The following CNTN5 variants were observed in gnomAD, a reference collection of about 807,000 sequenced individuals.
CNTN5 encodes contactin 5, also known as contactin-5.
In CNTN5, 77 loss-of-function variants were observed where a neutral mutation model predicts 129.1. The observed-to-expected ratio is 0.60, with a 90% confidence interval of 0.50 to 0.72. The LOEUF (loss-of-function observed/expected upper bound fraction) is 0.72. Among genes scored for constraint, CNTN5 ranks in the 30% least tolerant of loss-of-function variants. The probability of loss-of-function intolerance (pLI) is 0.00; values close to 1 mark genes in which losing one functional copy is unlikely to be tolerated. For synonymous variants in CNTN5, 509 were observed against 465.6 expected (o/e 1.09, Z -1.20); for missense variants, 1,478 against 1,328.8 (o/e 1.11, Z -1.75).
chr11:100,212,923 G>A (rs1161811777), intron 15 of CNTN5, among the ~76,000 whole-genome samples: 1 of 151,996 alleles, frequency 6.6e-6, no homozygotes, highest in Admixed American at 6.6e-5. Context: ...AGATGTTTCA[G>A]TCTCATGGCA....
At chr11:99,704,924 G>T (rs1316103200) in intron 3 of CNTN5, among the ~76,000 whole-genome samples, 1 of 151,152 alleles carries the variant, frequency 6.6e-6, no homozygotes, top group African/African-American at 2.4e-5. Flanking sequence ...GGAATTCTTC[G>T]TTATAGAGCA....
At chr11:99,231,706 GT>G (rs1861008792) in intron 1 of CNTN5, among the ~76,000 whole-genome samples, 1 of 152,022 alleles carries the variant, frequency 6.6e-6, no homozygotes, top group Admixed American at 6.6e-5. Flanking sequence ...TAACATTTTT[GT>G]CATGAAATCT....
intron 1 of CNTN5, among the ~76,000 whole-genome samples, chr11:99,253,561 A>AT (rs913478048): frequency 1.3e-5 from 2 of 151,742 alleles, no homozygotes; most frequent in Admixed American, 6.6e-5. Context: ...TTCACCTAAG[A>AT]TTTTTTTATT....
chr11:99,879,199 A>C (rs1948710379), intron 6 of CNTN5, among the ~76,000 whole-genome samples: 1 of 151,994 alleles, frequency 6.6e-6, no homozygotes. Context: ...CGGCCTCCCA[A>C]AGTGCTGGGA....
At chr11:99,256,168 A>G (rs948050273) in intron 1 of CNTN5, among the ~76,000 whole-genome samples, 1 of 152,140 alleles carries the variant, frequency 6.6e-6, no homozygotes, top group African/African-American at 2.4e-5. Flanking sequence ...AAACTATTTT[A>G]TCTGGTGTTT....
At chr11:100,309,844 C>G (rs1951435703) in intron 21 of CNTN5, 1 of 262,472 alleles carries the variant, frequency 3.8e-6, no homozygotes, top group Non-Finnish European at 5.9e-6. Flanking sequence ...TTCTCAGCTC[C>G]CACTATAGAT....
chr11:99,075,897 T>A (rs1276155411), intron 1 of CNTN5, among the ~76,000 whole-genome samples: 1 of 152,174 alleles, frequency 6.6e-6, no homozygotes, highest in Non-Finnish European at 1.5e-5. Flanking sequence ...ATGACAGACG[T>A]TTGAACTAAA....
intron 2 of CNTN5, among the ~76,000 whole-genome samples, chr11:99,546,391 C>A (rs1427762119): frequency 6.6e-6 from 1 of 152,086 alleles, no homozygotes. Context: ...ACAGGAGGAA[C>A]TATGAATCCC....
At position 99,196,432 on chromosome 11, in the gene CNTN5, T is replaced by A. The variant is rs1041502193; in HGVS notation, c.-209-128914T>A. On this transcript the variant is annotated intron_variant, in intron 1 of 24. Coordinates refer to ENST00000524871, the MANE Select transcript of CNTN5 (RefSeq NM_014361.4). ...TACATGTGTCTGTGCATGTATGCAT[T>A]TTTCTCCTCACATTTTTGTTTTATG... 1.3e-5 allele frequency among the ~76,000 whole-genome samples: 2 copies of A among 152,068 alleles called. 1 individual carries two copies. The highest frequency in any genetic ancestry group is 4.1e-4 in the South Asian group (2 of 4,822).
chr11:100,324,627 A>G (rs2138970046), intron 21 of CNTN5, among the ~76,000 whole-genome samples: 1 of 152,320 alleles, frequency 6.6e-6, no homozygotes, highest in Admixed American at 6.5e-5. Flanking sequence ...GAAGAAGGCA[A>G]CTAATATTTG....
At chr11:100,140,409 T>C (rs1591305809) in intron 13 of CNTN5, among the ~76,000 whole-genome samples, 1 of 152,294 alleles carries the variant, frequency 6.6e-6, no homozygotes, top group African/African-American at 2.4e-5. Flanking sequence ...GTGGTTATGA[T>C]AACTCATCAT....
chr11:99,253,087 CG>C (rs1451609663), intron 1 of CNTN5, among the ~76,000 whole-genome samples: 1 of 151,926 alleles, frequency 6.6e-6, no homozygotes, highest in African/African-American at 2.4e-5. Flanking sequence ...ATAATCCCCA[CG>C]ATTCAAGGGC....
At chr11:100,063,835 C>G (rs1466518734) in intron 10 of CNTN5, among the ~76,000 whole-genome samples, 1 of 151,994 alleles carries the variant, frequency 6.6e-6, no homozygotes, top group Non-Finnish European at 1.5e-5. Context: ...TGCGGTGAAC[C>G]ATTATAGTGC....
At chr11:99,626,415 A>AT (rs898671942) in intron 3 of CNTN5, among the ~76,000 whole-genome samples, 3 of 151,952 alleles carry the variant, frequency 2.0e-5, no homozygotes, top group Admixed American at 6.6e-5. Flanking sequence ...GTATTTATAG[A>AT]TTTTTTTTGC....
intron 2 of CNTN5, among the ~76,000 whole-genome samples, chr11:99,349,977 A>C (rs1169911172): frequency 1.3e-5 from 2 of 152,148 alleles, no homozygotes; most frequent in Non-Finnish European, 2.9e-5. Context: ...CTATATACAT[A>C]ATTAGAATGA....
At chr11:99,214,013 C>T (rs1156666575) in intron 1 of CNTN5, among the ~76,000 whole-genome samples, 1 of 151,836 alleles carries the variant, frequency 6.6e-6, no homozygotes, top group East Asian at 1.9e-4. Context: ...TTAGCAATTG[C>T]GAGAATAAAA....
rs1859476136 is a variant in CNTN5 at position 99,206,277 on chromosome 11, T to C, written c.-209-119069T>C. On this transcript the variant is annotated intron_variant, in intron 1 of 24. Coordinates refer to ENST00000524871, the MANE Select transcript of CNTN5 (RefSeq NM_014361.4). ...GTACAAGTGGGTGGAATATGTACTG[T>C]CAGGCTTTGCTTTAGGAGGTATAAG... 1.3e-5 allele frequency among the ~76,000 whole-genome samples: 2 copies of C among 152,120 alleles called. 1 individual carries two copies. Among genetic ancestry groups the C allele is most frequent in the South Asian group, 4.1e-4 (2 of 4,836 alleles).
At chr11:99,732,463 T>G (rs1313346494) in intron 3 of CNTN5, among the ~76,000 whole-genome samples, 1 of 134,876 alleles carries the variant, frequency 7.4e-6, no homozygotes, top group East Asian at 1.9e-4. Flanking sequence ...CTGAGTACAT[T>G]GTACAGTTCT....
chr11:99,151,288 G>C (rs545901203), intron 1 of CNTN5, among the ~76,000 whole-genome samples: 1 of 152,160 alleles, frequency 6.6e-6, no homozygotes, highest in Non-Finnish European at 1.5e-5. Flanking sequence ...ATTTGTGTGT[G>C]CATGCACTCT....
Sources: allele counts gnomAD v4.1 joint callset (sites outside exome capture counted in the v4.1 genomes callset), GRCh38; gene constraint gnomAD v4.1.1; transcripts MANE v1.5; gene names NCBI Gene and HGNC (gene_info 2026-07-23, HGNC 2026-07-21).